RARB: variants seen among roughly 807,000 people sequenced by gnomAD.
The protein encoded by RARB is retinoic acid receptor beta.
In RARB, 17 loss-of-function variants were observed where a neutral mutation model predicts 51.9. The ratio of observed to expected loss-of-function variants is 0.33; its 90% confidence interval spans 0.22 to 0.49. The LOEUF (loss-of-function observed/expected upper bound fraction) is 0.49, where lower values mean the gene tolerates loss of function less well. Among genes scored for constraint, RARB ranks in the 20% least tolerant of loss-of-function variants. The probability of loss-of-function intolerance (pLI) is 0.99; values close to 1 mark genes in which losing one functional copy is unlikely to be tolerated. For synonymous variants in RARB, 215 were observed against 195.4 expected (o/e 1.10, Z -0.84); for missense variants, 369 against 550.8 (o/e 0.67, Z 3.30).
chr3:25,569,863 G>A lies in RARB; in HGVS notation c.554G>A (p.Arg185Gln), dbSNP rs1248786630. ...AELDDLTEKI[R>Q]KAHQETFPSL... ...TTGGACGATCTCACAGAGAAGATCCGAAAAGCTCACCAGGAAACTTTCCCT... is the reference window on the plus strand; with the variant it reads ...TTGGACGATCTCACAGAGAAGATCCAAAAAGCTCACCAGGAAACTTTCCCT... Residue 185 changes from arginine (R) to glutamine (Q), a missense_variant, in exon 4 of 8, where the codon CGA becomes CAA. Arg to Gln is a conservative substitution (Grantham distance 43). Around this residue, in one of 9 missense-constraint regions of RARB, gnomAD observed 46 missense variants for 43.2 expected, o/e 1.07. Coordinates refer to ENST00000330688, the MANE Select transcript of RARB (RefSeq NM_000965.5). 5 of 1,614,044 alleles carry A rather than the reference G, an allele frequency of 3.1e-6. No homozygotes were observed. The highest frequency in any genetic ancestry group is 1.3e-5 in the African/African-American group (1 of 74,914).
At chr3:25,090,172 A>G (rs1459218147) in intron 3 of RARB, among the ~76,000 whole-genome samples, 1 of 152,286 alleles carries the variant, frequency 6.6e-6, no homozygotes, top group African/African-American at 2.4e-5. Flanking sequence ...TGAGGGAGCT[A>G]GCTTACCTCT....
intron 5 of RARB, among the ~76,000 whole-genome samples, chr3:25,270,597 G>A (rs1282168938): frequency 6.6e-6 from 1 of 152,188 alleles, no homozygotes; most frequent in Non-Finnish European, 1.5e-5. Flanking sequence ...AGGTTTATAT[G>A]CAAAACTTAA....
At chr3:25,407,614 T>C (rs530076363) in intron 5 of RARB, among the ~76,000 whole-genome samples, 13 of 152,200 alleles carry the variant, frequency 8.5e-5, no homozygotes, top group Admixed American at 7.9e-4. Context: ...CCTCGTTTTA[T>C]ATATTTGCAC....
intron 5 of RARB, among the ~76,000 whole-genome samples, chr3:25,304,248 G>T (rs1360400408): frequency 6.6e-6 from 1 of 152,138 alleles, no homozygotes; most frequent in Non-Finnish European, 1.5e-5. Flanking sequence ...TTTCTAAGAA[G>T]GCTTCTTTAT....
intron 2 of RARB, among the ~76,000 whole-genome samples, chr3:25,022,007 C>G (rs1575122643): frequency 6.6e-6 from 1 of 152,204 alleles, no homozygotes; most frequent in East Asian, 1.9e-4. Flanking sequence ...AGTCTAGACT[C>G]TAGAGGGCAA....
intron 3 of RARB, among the ~76,000 whole-genome samples, chr3:25,520,007 C>G (rs910530838): frequency 1.3e-5 from 2 of 152,182 alleles, no homozygotes; most frequent in African/African-American, 4.8e-5. Context: ...AGCCTATGAG[C>G]CAAATCTGGC....
At chr3:25,279,364 T>A (rs945684285) in intron 5 of RARB, among the ~76,000 whole-genome samples, 1 of 152,204 alleles carries the variant, frequency 6.6e-6, no homozygotes. Context: ...TTGCACCCAC[T>A]GCTGCATCTT....
intron 4 of RARB, among the ~76,000 whole-genome samples, chr3:25,154,490 A>G (rs1293836952): frequency 6.6e-6 from 1 of 152,158 alleles, no homozygotes; most frequent in Non-Finnish European, 1.5e-5. Context: ...GACCCTTGCA[A>G]TAGTCTCCTG....
At chr3:25,071,717 T>C (rs1413122882) in intron 3 of RARB, among the ~76,000 whole-genome samples, 12 of 152,300 alleles carry the variant, frequency 7.9e-5, no homozygotes, top group Middle Eastern at 3.4e-3. Flanking sequence ...TGGAAAATAC[T>C]TGGAGGAGAA....
At chr3:24,903,897 T>C (rs1000678840) in intron 2 of RARB, among the ~76,000 whole-genome samples, 1 of 152,190 alleles carries the variant, frequency 6.6e-6, no homozygotes, top group Non-Finnish European at 1.5e-5. Flanking sequence ...TTATATGGTA[T>C]AGTGATCTAG....
chr3:25,084,880 T>A (rs916223163), intron 3 of RARB, among the ~76,000 whole-genome samples: 1 of 152,144 alleles, frequency 6.6e-6, no homozygotes, highest in Admixed American at 6.5e-5. Flanking sequence ...TACCAGCTTG[T>A]ATAAACCCTA....
chr3:25,527,079 C>G (rs1430997691), intron 3 of RARB, among the ~76,000 whole-genome samples: 1 of 152,170 alleles, frequency 6.6e-6, no homozygotes, highest in Non-Finnish European at 1.5e-5. Flanking sequence ...CTCAAATGGA[C>G]TATGTACACC....
intron 5 of RARB, among the ~76,000 whole-genome samples, chr3:25,187,979 A>G (rs980287936): frequency 6.6e-6 from 1 of 152,154 alleles, no homozygotes; most frequent in Non-Finnish European, 1.5e-5. Flanking sequence ...AATGAAAATA[A>G]CAAGCAGTCC....
intron 5 of RARB, among the ~76,000 whole-genome samples, chr3:25,585,052 C>T (rs1701331779): frequency 6.6e-6 from 1 of 152,022 alleles, no homozygotes; most frequent in South Asian, 2.1e-4. Context: ...ACTAGCTTGC[C>T]TGGGTTCAAA....
chr3:25,271,826 T>C (rs1161616711), intron 5 of RARB, among the ~76,000 whole-genome samples: 1 of 152,214 alleles, frequency 6.6e-6, no homozygotes, highest in Admixed American at 6.5e-5. Context: ...TTTTTTAAAA[T>C]GTTCAATCTT....
At chr3:25,196,901 A>G (rs918279702) in intron 5 of RARB, among the ~76,000 whole-genome samples, 1 of 151,930 alleles carries the variant, frequency 6.6e-6, no homozygotes, top group Non-Finnish European at 1.5e-5. Context: ...TCCTTCGCCC[A>G]CTTTTTGATG....
At position 25,428,753 on chromosome 3, in the gene RARB, C is replaced by T. The variant is rs1002995251; in HGVS notation, c.22C>T (p.Leu8=). 1.2e-6 allele frequency: 2 copies of T among 1,613,958 alleles called. No individual in the cohort carries two copies. Among genetic ancestry groups the T allele is most frequent in the African/African-American group, 2.7e-5 (2 of 74,920 alleles). The stretch of plus-strand genomic sequence containing the variant: ...GATCATGTTTGACTGTATGGATGTT[C>T]TGTCAGTGAGTCCTGGGCAAATCCT... MFDCMDV[L]SVSPGQILDF... Residue 8 remains leucine (L), a synonymous_variant, in exon 1 of 8, where the codon CTG becomes TTG. Coordinates refer to ENST00000330688, the MANE Select transcript of RARB (RefSeq NM_000965.5).
At chr3:25,174,419 T>C in exon 5 of RARB, 1 of 1,352,154 alleles carries the variant, frequency 7.4e-7, no homozygotes, top group Non-Finnish European at 9.8e-7. Context: ...CGGCCACGCA[T>C]GTCCGGTCCC....
At chr3:25,171,485 TAAAAA>T (rs10559921) in intron 4 of RARB, among the ~76,000 whole-genome samples, 1 of 9,974 alleles carries the variant, frequency 1.0e-4, no homozygotes, top group Non-Finnish European at 1.6e-4. Context: ...ATAAGCAGTT[TAAAAA>T]AAAAAAAAAA....
Sources: gnomAD v4.1 joint callset for allele counts (sites outside exome capture counted in the v4.1 genomes callset) on GRCh38, gnomAD v4.1.1 for gene constraint, gnomAD v4.1.1 regional missense constraint, MANE v1.5 for transcripts, NCBI Gene and HGNC (gene_info 2026-07-23, HGNC 2026-07-21) for gene names.